NPY1R: variants seen among roughly 807,000 people sequenced by gnomAD.
The protein encoded by NPY1R is neuropeptide Y receptor type 1.
Under a neutral mutation model 24.1 loss-of-function variants are expected in NPY1R, and 10 were observed. That is an observed-to-expected ratio of 0.42 (90% confidence interval 0.26 to 0.71). The LOEUF (loss-of-function observed/expected upper bound fraction) is 0.71. Among genes scored for constraint, NPY1R ranks in the 30% least tolerant of loss-of-function variants. NPY1R has a pLI of 0.28. For synonymous variants in NPY1R, 168 were observed against 165.9 expected, an observed-to-expected ratio of 1.01 and a Z score of -0.10; for missense variants, 350 against 458.0, an observed-to-expected ratio of 0.76 and a Z score of 2.15.
chr4:163,327,479 A>G (rs1734634635), intron 1 of NPY1R, among the ~76,000 whole-genome samples: 1 of 152,178 alleles, frequency 6.6e-6, no homozygotes, highest in Non-Finnish European at 1.5e-5. Flanking sequence ...GTTTAGTAAA[A>G]TGGAATTATT....
At chr4:163,332,121 C>A (rs1734745284) in intron 1 of NPY1R, among the ~76,000 whole-genome samples, 1 of 152,232 alleles carries the variant, frequency 6.6e-6, no homozygotes, top group Non-Finnish European at 1.5e-5. Context: ...GGAAAATGAG[C>A]GGGTGTGGGA....
intron 1 of NPY1R, chr4:163,343,966 G>A (rs975039419): frequency 6.6e-6 from 1 of 152,426 alleles, no homozygotes; most frequent in African/African-American, 2.4e-5. Context: ...GCGCTCCCGG[G>A]AGCCCAGGGC....
chr4:163,327,873 G>A (rs774825155), intron 1 of NPY1R, among the ~76,000 whole-genome samples: 10 of 152,016 alleles, frequency 6.6e-5, no homozygotes, highest in Non-Finnish European at 1.3e-4. Context: ...TATGTGAGAC[G>A]GAGTTTCTTA....
At position 163,325,820 on chromosome 4, in the gene NPY1R, G is replaced by A. The variant is rs202235567; in HGVS notation, c.699+36C>T. 6.3e-6 allele frequency: 10 copies of A among 1,586,096 alleles called. No homozygotes were observed. The African/African-American group carries it at 1.1e-4, about 17-fold the overall frequency. ...TGATGAGGAATTCTGTGTAAAGAAG[G>A]TAAAAATGGAAATGATAGAAAAAAA... On this transcript the variant is annotated intron_variant, in intron 2 of 2. Transcript: ENST00000296533.
At position 163,325,495 on chromosome 4, in the gene NPY1R, C is replaced by T. The variant is rs1734583524; in HGVS notation, c.963G>A (p.Gly321=). 1 of 1,613,908 alleles carries T rather than the reference C, an allele frequency of 6.2e-7. No individual in the cohort carries two copies. The highest frequency in any genetic ancestry group is 1.3e-5 in the African/African-American group (1 of 74,876). ...CTCTCTGGAAGTTTTTGTTCAGGAA[C>T]CCATAAAATATGGGGTTGACACAAG... ...ISTCVNPIFY[G]FLNKNFQRDL... The change falls in exon 3 of 3, where the codon GGG becomes GGA. Residue 321 remains glycine (G), a synonymous_variant. Transcript: ENST00000296533.
At chr4:163,326,749 G>A in intron 1 of NPY1R, 44 bp from the exon 2 acceptor site, 1 of 461,334 alleles carries the variant, frequency 2.2e-6, no homozygotes, top group Admixed American at 3.8e-5. Flanking sequence ...TTTTATTGAG[G>A]GCAGTCAAAA....
chr4:163,334,901 A>T (rs914772256), upstream of NPY1R, among the ~76,000 whole-genome samples: 1 of 151,820 alleles, frequency 6.6e-6, no homozygotes, highest in African/African-American at 2.4e-5. Flanking sequence ...CAACAGCAAA[A>T]TTATATAATT....
At chr4:163,337,493 G>T (rs1469882932), upstream of NPY1R, among the ~76,000 whole-genome samples, 5 of 151,946 alleles carry the variant, frequency 3.3e-5, no homozygotes, top group Non-Finnish European at 7.4e-5. Context: ...CCTCCTTTTG[G>T]CAATAGTTCT....
upstream of NPY1R, among the ~76,000 whole-genome samples, chr4:163,333,948 T>C (rs1331927403): frequency 6.6e-6 from 1 of 152,112 alleles, no homozygotes; most frequent in African/African-American, 2.4e-5. Flanking sequence ...TATAAAAATC[T>C]CTAATGGTTA....
Position 163,326,497 on chromosome 4 carries a change from C to T in NPY1R, c.58G>A (p.Glu20Lys). The part of the protein sequence containing the change: ...ENHSVHSNFS[E>K]KNAQLLAFEN... ...AAAGCCAGAAGCTGGGCATTCTTCT[C>T]TGAGAAATTAGAGTGGACTGAATGA... The change falls in exon 2 of 3, where the codon GAG becomes AAG. Residue 20 changes from glutamate to lysine, a missense_variant. By Grantham distance (56) the Glu-to-Lys change is moderately conservative. Coordinates refer to ENST00000296533, the MANE Select transcript of NPY1R (RefSeq NM_000909.6). 6.2e-7 allele frequency: 1 copy of T among 1,612,788 alleles called. No individual in the cohort carries two copies. Among genetic ancestry groups the T allele is most frequent in the South Asian group, 1.1e-5 (1 of 90,682 alleles).
intron 1 of NPY1R, among the ~76,000 whole-genome samples, chr4:163,339,791 T>C (rs1386317368): frequency 6.6e-6 from 1 of 152,208 alleles, no homozygotes; most frequent in Non-Finnish European, 1.5e-5. Flanking sequence ...TCTTATGTGT[T>C]AGCTCTGCCT....
At chr4:163,343,033 A>C (rs1288262456) in intron 1 of NPY1R, among the ~76,000 whole-genome samples, 1 of 147,202 alleles carries the variant, frequency 6.8e-6, no homozygotes, top group Non-Finnish European at 1.5e-5. Context: ...CGCGCGCCTA[A>C]AGTACCTGCC....
intron 1 of NPY1R, among the ~76,000 whole-genome samples, chr4:163,339,596 A>G (rs899318190): frequency 2.0e-5 from 3 of 152,178 alleles, no homozygotes; most frequent in African/African-American, 7.2e-5. Context: ...AACTAGGAAT[A>G]GGGTAGGACT....
At chr4:163,331,858 C>G (rs1386313132) in intron 1 of NPY1R, among the ~76,000 whole-genome samples, 3 of 152,248 alleles carry the variant, frequency 2.0e-5, no homozygotes, top group Non-Finnish European at 4.4e-5. Context: ...TCGAAGCGCC[C>G]GGTACTGCGG....
upstream of NPY1R, among the ~76,000 whole-genome samples, chr4:163,333,409 T>C (rs540980772): frequency 2.0e-5 from 3 of 152,246 alleles, no homozygotes; most frequent in East Asian, 5.8e-4. Flanking sequence ...GGCACACTGA[T>C]CTTAGATGTT....
intron 1 of NPY1R, among the ~76,000 whole-genome samples, chr4:163,328,558 AC>A (rs1734659882): frequency 6.6e-6 from 1 of 152,174 alleles, no homozygotes; most frequent in South Asian, 2.1e-4. Flanking sequence ...CCAAGTACCA[AC>A]AGGTGAATGA....
intron 1 of NPY1R, among the ~76,000 whole-genome samples, chr4:163,330,088 G>T (rs1734694106): frequency 6.6e-6 from 1 of 152,148 alleles, no homozygotes; most frequent in Non-Finnish European, 1.5e-5. Context: ...ATTTTGGCGA[G>T]AAATAATAGG....
At chr4:163,337,255 G>C (rs1359933103), upstream of NPY1R, among the ~76,000 whole-genome samples, 1 of 152,176 alleles carries the variant, frequency 6.6e-6, no homozygotes, top group African/African-American at 2.4e-5. Flanking sequence ...GTAGGTTAAA[G>C]CTCAACTGTG....
At position 163,325,025 on chromosome 4, in the gene NPY1R, C is replaced by T. The variant is rs1578930550; in HGVS notation, c.*278G>A. 1 of 330,504 alleles carries T rather than the reference C, an allele frequency of 3.0e-6. No homozygotes were observed. The highest frequency in any genetic ancestry group is 4.7e-5 in the South Asian group (1 of 21,404). The allele number at this position is 330,504 out of a possible 1,614,324, so 20.5% of individuals were successfully genotyped here. A position where few individuals can be genotyped will look rare whatever the true frequency, so the allele number is the denominator to read the frequency against. On this transcript the variant is annotated 3_prime_UTR_variant, in exon 3 of 3. Transcript: ENST00000296533. ...TAAAGAAATTTCATTCCAATAAGTA[C>T]AGTATAAAAGTCTTTATATTATATG...
Sources: gnomAD v4.1 joint callset for allele counts (sites outside exome capture counted in the v4.1 genomes callset) on GRCh38, gnomAD v4.1.1 for gene constraint, MANE v1.5 for transcripts, NCBI Gene and HGNC (gene_info 2026-07-23, HGNC 2026-07-21) for gene names.